PLBD1: variants seen among roughly 807,000 people sequenced by gnomAD.
The protein encoded by PLBD1 is phospholipase B domain containing 1.
In PLBD1, 60 loss-of-function variants were observed where a neutral mutation model predicts 63.0. The ratio of observed to expected loss-of-function variants is 0.95; its 90% CI spans 0.77 to 1.18. The LOEUF (loss-of-function observed/expected upper bound fraction) is 1.18, where lower values mean the gene tolerates loss of function less well. Ranked by LOEUF, PLBD1 falls within the 50% of genes most tolerant of loss-of-function variation. PLBD1 has a pLI of 0.00. For synonymous variants in PLBD1, 262 were observed against 248.0 expected (o/e 1.06, Z -0.53); for missense variants, 598 against 677.9 (o/e 0.88, Z 1.31).
At chr12:14,524,366 T>G (rs111696469) in intron 6 of PLBD1, among the ~76,000 whole-genome samples, 1 of 152,194 alleles carries the variant, frequency 6.6e-6, no homozygotes, top group African/African-American at 2.4e-5. Context: ...AATACCATGA[T>G]TTGTTCACTA....
intron 8 of PLBD1, 138 bp downstream of exon 8, chr12:14,511,122 G>T: frequency 1.2e-6 from 1 of 862,588 alleles, no homozygotes; most frequent in Non-Finnish European, 1.8e-6. Context: ...TGGTCATTCT[G>T]GTGTAATATA....
chr12:14,546,287 C>T (rs1258156694), intron 2 of PLBD1, among the ~76,000 whole-genome samples: 2 of 148,990 alleles, frequency 1.3e-5, no homozygotes, highest in African/African-American at 5.0e-5. Context: ...CACCGCACTC[C>T]AGCCTGAGCA....
At chr12:14,544,227 G>A (rs1945598601) in intron 2 of PLBD1, among the ~76,000 whole-genome samples, 1 of 152,190 alleles carries the variant, frequency 6.6e-6, no homozygotes, top group Non-Finnish European at 1.5e-5. Flanking sequence ...AGGCTGGAGG[G>A]CTGCGGTGCG....
At chr12:14,534,575 G>A (rs184235570) in intron 6 of PLBD1, among the ~76,000 whole-genome samples, 108 of 140,314 alleles carry the variant, frequency 7.7e-4, no homozygotes, top group African/African-American at 2.8e-3. Flanking sequence ...ACGGAGTCTC[G>A]CTCTGTCGCC....
In PLBD1 at chr12:14,503,783, CAA is replaced by C. The variant is rs1220811914; in HGVS notation, c.1649_1650del (p.Leu550ArgfsTer16). 3 of 1,612,608 alleles carry C rather than the reference CAA, an allele frequency of 1.9e-6. No homozygotes were observed. The highest frequency in any genetic ancestry group is 1.7e-5 in the Admixed American group (1 of 59,966). The stretch of plus-strand genomic sequence containing the variant: ...GTCATCTCCCTCCTTCATTTTATAT[CAA>C]GTTTCAAAATTGGTTTCATGGTAAT... The part of the protein sequence containing the change: ...DFITMKPILK[L>X]DIK On this transcript the variant is annotated frameshift_variant, in exon 11 of 11. Coordinates refer to ENST00000240617, the MANE Select transcript of PLBD1 (RefSeq NM_024829.6). LOFTEE classifies it high-confidence loss of function.
At chr12:14,561,124 G>T (rs1945739920) in intron 1 of PLBD1, among the ~76,000 whole-genome samples, 1 of 151,048 alleles carries the variant, frequency 6.6e-6, no homozygotes, top group South Asian at 2.1e-4. Context: ...AAAGGCAAGT[G>T]AGAGGATGTG....
At chr12:14,564,243 A>G (rs1945764220) in intron 1 of PLBD1, among the ~76,000 whole-genome samples, 1 of 152,336 alleles carries the variant, frequency 6.6e-6, no homozygotes, top group African/African-American at 2.4e-5. Flanking sequence ...GCAGAGTTAA[A>G]GGAGCAACTG....
At position 14,567,506 on chromosome 12, in the gene PLBD1, G is replaced by C. The variant is rs1462472581; in HGVS notation, c.115+76C>G. 13 of 1,395,602 alleles carry C rather than the reference G, an allele frequency of 9.3e-6. No homozygotes were observed. The South Asian group carries it at 1.1e-4, about 11-fold the overall frequency. The allele number at this position is 1,395,602 out of a possible 1,614,324, so 86.5% of individuals were successfully genotyped here. A position where few individuals can be genotyped will look rare whatever the true frequency, so the allele number is the denominator to read the frequency against. ...ACGCCCGCTGGACGTCAACTCGGCC[G>C]GACGCGGGGCACGGGCGCTAACAGG... On this transcript the variant is annotated intron_variant, in intron 1 of 10. Transcript: ENST00000240617.
At chr12:14,543,915 T>C (rs1370969692) in intron 2 of PLBD1, among the ~76,000 whole-genome samples, 2 of 152,018 alleles carry the variant, frequency 1.3e-5, no homozygotes, top group African/African-American at 2.4e-5. Context: ...TCTGAACATA[T>C]TCTTATTTTG....
intron 6 of PLBD1, among the ~76,000 whole-genome samples, chr12:14,532,105 C>T (rs894720581): frequency 6.6e-6 from 1 of 152,166 alleles, no homozygotes; most frequent in Non-Finnish European, 1.5e-5. Context: ...CACTCCTCAC[C>T]CACGGGCACC....
At chr12:14,521,433 A>C (rs7965239) in intron 6 of PLBD1, among the ~76,000 whole-genome samples, 146,118 of 152,028 alleles carry the variant, frequency 0.96, 70,399 homozygotes, top group East Asian at 1. Flanking sequence ...CATGAAACAA[A>C]CTGGCACCCT....
At chr12:14,521,337 C>T (rs555033175) in intron 6 of PLBD1, among the ~76,000 whole-genome samples, 7 of 152,174 alleles carry the variant, frequency 4.6e-5, no homozygotes, top group Non-Finnish European at 1.0e-4. Flanking sequence ...TATGCACTTG[C>T]GGTGTGTGTA....
At chr12:14,564,994 T>C (rs993777318) in intron 1 of PLBD1, among the ~76,000 whole-genome samples, 1 of 152,126 alleles carries the variant, frequency 6.6e-6, no homozygotes, top group Non-Finnish European at 1.5e-5. Flanking sequence ...TAGAAAAAAT[T>C]ATATAAGGAC....
chr12:14,535,623 C>A, intron 6 of PLBD1, 36 bp downstream of exon 6: 3 of 1,608,752 alleles, frequency 1.9e-6, no homozygotes, highest in East Asian at 2.2e-5. Context: ...AGGAATAGTA[C>A]TCAAAGTGCT....
chr12:14,550,232 T>G (rs1311167724), intron 2 of PLBD1, among the ~76,000 whole-genome samples: 1 of 152,206 alleles, frequency 6.6e-6, no homozygotes. Context: ...GCAGTAGAGT[T>G]GCTAGCAAGA....
intron 6 of PLBD1, among the ~76,000 whole-genome samples, chr12:14,529,919 C>CA (rs1355639582): frequency 1.3e-5 from 2 of 152,074 alleles, no homozygotes; most frequent in Non-Finnish European, 2.9e-5. Context: ...TAATAATGTA[C>CA]AAAAAAATCG....
chr12:14,567,593 G>C lies in PLBD1; in HGVS notation c.104C>G (p.Pro35Arg). 1.3e-6 allele frequency: 2 copies of C among 1,501,546 alleles called. No individual in the cohort carries two copies. Among genetic ancestry groups the C allele is most frequent in the Non-Finnish European group, 8.8e-7 (1 of 1,133,246 alleles). The allele number at this position is 1,501,546 out of a possible 1,614,324, so 93.0% of individuals were successfully genotyped here. Residue 35 changes from proline (P) to arginine (R), a missense_variant, in exon 1 of 11, where the codon CCG (proline) becomes CGG (arginine). Pro to Arg is a moderately radical substitution (Grantham distance 103). Coordinates refer to ENST00000240617, the MANE Select transcript of PLBD1 (RefSeq NM_024829.6). ...CGCGCTCTGCTCACCTGCAGGTTTC[G>C]GCGGCTCCGCGGTGACTAACAACAG... is the stretch of plus-strand genomic sequence containing the variant. ...LPLLLVTAEPPKPAGVYYATA... is the reference protein window; with the variant it reads ...LPLLLVTAEPRKPAGVYYATA...
At chr12:14,540,545 T>C (rs772414407) in intron 4 of PLBD1, among the ~76,000 whole-genome samples, 4 of 152,170 alleles carry the variant, frequency 2.6e-5, no homozygotes, top group African/African-American at 4.8e-5. Flanking sequence ...TTATGGAAGA[T>C]TGAAAATACA....
chr12:14,529,785 A>C (rs942019925), intron 6 of PLBD1, among the ~76,000 whole-genome samples: 1 of 152,168 alleles, frequency 6.6e-6, no homozygotes, highest in Non-Finnish European at 1.5e-5. Context: ...CAATCATACA[A>C]AAAAACAATC....
Sources: allele counts gnomAD v4.1 joint callset (sites outside exome capture counted in the v4.1 genomes callset), GRCh38; gene constraint gnomAD v4.1.1; transcripts MANE v1.5; gene names NCBI Gene and HGNC (gene_info 2026-07-23, HGNC 2026-07-21).